The following PAMR1 variants were observed in gnomAD, a reference collection of about 807,000 sequenced individuals.
The protein encoded by PAMR1 is peptidase domain containing associated with muscle regeneration 1, also known as inactive serine protease PAMR1.
In PAMR1, 88 loss-of-function variants were observed where a neutral mutation model predicts 81.8. The observed-to-expected ratio is 1.08, with a 90% CI of 0.91 to 1.28. PAMR1 has a LOEUF of 1.28. Among genes scored for constraint, PAMR1 ranks in the 50% most tolerant of loss-of-function variants. The pLI is 0.00. For synonymous variants in PAMR1, 336 were observed against 345.3 expected, an observed-to-expected ratio of 0.97 and a Z score of 0.30; for missense variants, 935 against 919.7, an observed-to-expected ratio of 1.02 and a Z score of -0.21.
intron 6 of PAMR1, among the ~76,000 whole-genome samples, chr11:35,449,088 T>C (rs951353719): frequency 2.0e-5 from 3 of 152,352 alleles, no homozygotes; most frequent in African/African-American, 4.8e-5. Context: ...CTGGCCACCC[T>C]TGTTGGGAGG....
At chr11:35,519,419 A>G (rs1851229609) in intron 1 of PAMR1, among the ~76,000 whole-genome samples, 1 of 80,862 alleles carries the variant, frequency 1.2e-5, no homozygotes, top group African/African-American at 5.2e-5. Context: ...GACATACACA[A>G]TGTCAGGGCC....
At chr11:35,473,329 A>T (rs1467008695) in intron 4 of PAMR1, among the ~76,000 whole-genome samples, 2 of 152,180 alleles carry the variant, frequency 1.3e-5, no homozygotes, top group Non-Finnish European at 2.9e-5. Context: ...TATGCTTCTC[A>T]ATCCTCCACC....
At chr11:35,507,917 T>A (rs12291121) in intron 1 of PAMR1, among the ~76,000 whole-genome samples, 20,216 of 151,996 alleles carry the variant, frequency 0.13, 1,507 homozygotes, top group East Asian at 0.34. Flanking sequence ...AATTGGGGAA[T>A]TCCCAAAAGG....
At chr11:35,450,899 G>A (rs1022077736) in intron 6 of PAMR1, among the ~76,000 whole-genome samples, 37 of 152,190 alleles carry the variant, frequency 2.4e-4, no homozygotes, top group Non-Finnish European at 1.2e-4. Context: ...ATGTGAATCT[G>A]CAGCCAATTA....
chr11:35,493,354 G>T (rs138020346), intron 2 of PAMR1, among the ~76,000 whole-genome samples: 685 of 152,182 alleles, frequency 4.5e-3, no homozygotes, highest in Middle Eastern at 6.8e-3. Flanking sequence ...AGCACTTCAG[G>T]ATCTGGCTCT....
chr11:35,462,401 CAG>C (rs969019686), intron 6 of PAMR1, among the ~76,000 whole-genome samples: 4 of 152,198 alleles, frequency 2.6e-5, no homozygotes, highest in Admixed American at 6.5e-5. Context: ...CTTTTAAAAA[CAG>C]ATCTTTCTTG....
rs757305387 is a variant in PAMR1 at position 35,439,607 on chromosome 11, T to G, written c.1100+20A>C. On this transcript the variant is annotated intron_variant, in intron 8 of 10. Transcript: ENST00000619888. The stretch of plus-strand genomic sequence containing the variant: ...ATACTCATTAGCCTTCAGGGCAGAG[T>G]GCAGGTGTTTTGACCTCACCTTGAC... The G allele has an allele frequency of 2.9e-5, 46 of 1,593,224 alleles. No individual in the cohort carries two copies. The highest frequency in any genetic ancestry group is 3.6e-5 in the Non-Finnish European group (42 of 1,161,122).
rs180703928 is a variant in PAMR1, at chr11:35,521,967, A to G, written c.73+3546T>C. ...AGACAGAGTCTCACTCTGTCGCCCAAGCTGGAGTGCAGTGGCGCGATCTTG... is the reference window on the plus strand; with the variant it reads ...AGACAGAGTCTCACTCTGTCGCCCAGGCTGGAGTGCAGTGGCGCGATCTTG... On this transcript the variant is annotated intron_variant, in intron 1 of 10. Coordinates refer to ENST00000619888, the MANE Select transcript of PAMR1 (RefSeq NM_001001991.3). Among the ~76,000 whole-genome samples, 102 of 152,070 alleles carry G rather than the reference A, an allele frequency of 6.7e-4. No individual in the cohort carries two copies. In the East Asian group the frequency reaches 0.018, roughly 26 times the overall value.
At chr11:35,489,546 A>G (rs609060) in intron 3 of PAMR1, among the ~76,000 whole-genome samples, 121,537 of 152,100 alleles carry the variant, frequency 0.8, 48,809 homozygotes, top group Admixed American at 0.82. Flanking sequence ...GGTACTCCCC[A>G]GATTAAACCA....
intron 2 of PAMR1, among the ~76,000 whole-genome samples, chr11:35,492,482 T>C (rs117054435): frequency 0.035 from 5,358 of 152,270 alleles, 150 homozygotes; most frequent in Middle Eastern, 0.061. Flanking sequence ...TTTGTATAAA[T>C]GTTACGTGTT....
intron 1 of PAMR1, among the ~76,000 whole-genome samples, chr11:35,510,277 C>A (rs1403643231): frequency 6.6e-6 from 1 of 152,120 alleles, no homozygotes; most frequent in Non-Finnish European, 1.5e-5. Context: ...AACTGATGAA[C>A]CTACATGGAC....
intron 10 of PAMR1, 21 bp downstream of exon 10, chr11:35,434,491 C>T: frequency 6.2e-7 from 1 of 1,600,216 alleles, no homozygotes; most frequent in Non-Finnish European, 8.5e-7. Context: ...CCCCAGCTTC[C>T]AAGTGCAAGC....
At chr11:35,507,193 A>G (rs923793496) in intron 1 of PAMR1, among the ~76,000 whole-genome samples, 1 of 151,826 alleles carries the variant, frequency 6.6e-6, no homozygotes, top group East Asian at 1.9e-4. Context: ...GATTATCGGC[A>G]TGCACCACCA....
intron 4 of PAMR1, among the ~76,000 whole-genome samples, chr11:35,472,945 G>T (rs761051732): frequency 6.6e-6 from 1 of 152,112 alleles, no homozygotes; most frequent in African/African-American, 2.4e-5. Flanking sequence ...GATTTTAAAG[G>T]CTCCCTGCAG....
At chr11:35,479,772 TTGGCTC>T (rs1405423813) in intron 3 of PAMR1, among the ~76,000 whole-genome samples, 1 of 152,230 alleles carries the variant, frequency 6.6e-6, no homozygotes, top group African/African-American at 2.4e-5. Flanking sequence ...AATTTTCATC[TTGGCTC>T]TGCCACTTAC....
chr11:35,483,865 G>T (rs1273436100), intron 3 of PAMR1, among the ~76,000 whole-genome samples: 2 of 152,162 alleles, frequency 1.3e-5, no homozygotes, highest in South Asian at 4.1e-4. Flanking sequence ...TGTGGTCAAA[G>T]AGCTTCAGCA....
chr11:35,457,598 G>C (rs530154191), intron 6 of PAMR1, among the ~76,000 whole-genome samples: 21 of 152,234 alleles, frequency 1.4e-4, no homozygotes, highest in South Asian at 1.0e-3. Flanking sequence ...GCTCCTCAAG[G>C]AAACACCTTC....
chr11:35,515,849 T>TC (rs397847894), intron 1 of PAMR1, among the ~76,000 whole-genome samples: 1 of 143,546 alleles, frequency 7.0e-6, no homozygotes, highest in Non-Finnish European at 1.5e-5. Context: ...TCTTTTTTTT[T>TC]CTCTCTCTGA....
At chr11:35,450,278 G>A (rs186932046) in intron 6 of PAMR1, among the ~76,000 whole-genome samples, 12 of 151,988 alleles carry the variant, frequency 7.9e-5, no homozygotes, top group South Asian at 2.1e-4. Flanking sequence ...CTCTAAGACC[G>A]TCCATAGACT....
Sources: gnomAD v4.1 joint callset for allele counts (sites outside exome capture counted in the v4.1 genomes callset) on GRCh38, gnomAD v4.1.1 for gene constraint, MANE v1.5 for transcripts, NCBI Gene and HGNC (gene_info 2026-07-23, HGNC 2026-07-21) for gene names.